Variants in NCOA1 observed in about 807,000 individuals in gnomAD.
NCOA1 encodes the protein nuclear receptor coactivator 1, also known as Hin-2 protein.
In NCOA1, 35 loss-of-function variants were observed where a neutral mutation model predicts 150.9. The ratio of observed to expected loss-of-function variants is 0.23; its 90% CI spans 0.18 to 0.31. NCOA1 has a LOEUF of 0.31. Among genes scored for constraint, NCOA1 ranks in the 10% least tolerant of loss-of-function variants. The pLI is 1.00. For synonymous variants in NCOA1, 590 were observed against 630.0 expected (o/e 0.94, Z 0.95); for missense variants, 1,491 against 1,749.3 (o/e 0.85, Z 2.63).
chr2:24,660,618 T>A (rs1208590375), intron 5 of NCOA1, among the ~76,000 whole-genome samples: 2 of 152,180 alleles, frequency 1.3e-5, no homozygotes, highest in Admixed American at 6.5e-5. Context: ...AACTTTTGAT[T>A]AGTATTGCAT....
At chr2:24,495,984 T>A (rs1291013531) in intron 1 of NCOA1, among the ~76,000 whole-genome samples, 1 of 152,232 alleles carries the variant, frequency 6.6e-6, no homozygotes, top group East Asian at 1.9e-4. Flanking sequence ...ATTTCTCAAA[T>A]TTTTTCCTTT....
At chr2:24,675,991 C>T (rs1057151493) in intron 7 of NCOA1, among the ~76,000 whole-genome samples, 1 of 152,196 alleles carries the variant, frequency 6.6e-6, no homozygotes, top group Non-Finnish European at 1.5e-5. Context: ...ATCTGTCTTC[C>T]AAGCTTCTCT....
chr2:24,572,759 TTGGAAAC>T (rs1353813997), intron 2 of NCOA1, among the ~76,000 whole-genome samples: 2 of 152,150 alleles, frequency 1.3e-5, no homozygotes, highest in African/African-American at 4.8e-5. Flanking sequence ...GTTAAAGTAT[TTGGAAAC>T]TGAAGACTGT....
At chr2:24,594,978 T>G (rs1230225998) in intron 3 of NCOA1, among the ~76,000 whole-genome samples, 1 of 152,060 alleles carries the variant, frequency 6.6e-6, no homozygotes, top group Non-Finnish European at 1.5e-5. Flanking sequence ...TGAAGAAAAT[T>G]AAATGGGCCA....
chr2:24,656,860 T>C (rs1216508336), intron 4 of NCOA1, among the ~76,000 whole-genome samples: 1 of 152,244 alleles, frequency 6.6e-6, no homozygotes, highest in Non-Finnish European at 1.5e-5. Context: ...TTTACCCATA[T>C]ATCTGTTGAT....
intron 7 of NCOA1, among the ~76,000 whole-genome samples, chr2:24,680,341 A>G (rs2148534807): frequency 6.6e-6 from 1 of 152,338 alleles, no homozygotes; most frequent in East Asian, 1.9e-4. Flanking sequence ...GTGTCCAAAA[A>G]TGGATGAATG....
Position 24,739,894 on chromosome 2 carries a change from G to A in NCOA1, c.3303+361G>A, listed in dbSNP as rs527439472. 5.3e-5 allele frequency among the ~76,000 whole-genome samples: 8 copies of A among 152,164 alleles called. No individual in the cohort carries two copies. In the South Asian group the frequency reaches 1.5e-3, roughly 28 times the overall value. On this transcript the variant is annotated intron_variant, in intron 18 of 22. Transcript: ENST00000348332. The stretch of plus-strand genomic sequence containing the variant: ...GATCAAAACCCAGTCACATTGCTAA[G>A]CTGTCTTAACTATCTTGTGTACTAT...
chr2:24,720,786 C>G (rs1674323858), intron 14 of NCOA1, among the ~76,000 whole-genome samples: 1 of 152,182 alleles, frequency 6.6e-6, no homozygotes, highest in Admixed American at 6.5e-5. Flanking sequence ...TTCTAATTCT[C>G]TGCCCCACTC....
intron 1 of NCOA1, among the ~76,000 whole-genome samples, chr2:24,507,165 A>G (rs1663734039): frequency 6.6e-6 from 1 of 152,216 alleles, no homozygotes; most frequent in Admixed American, 6.5e-5. Context: ...GCAAATGCTT[A>G]TATCCAAAGG....
intron 5 of NCOA1, among the ~76,000 whole-genome samples, chr2:24,661,097 A>G (rs1671166778): frequency 6.6e-6 from 1 of 152,052 alleles, no homozygotes; most frequent in South Asian, 2.1e-4. Context: ...ATCTAGGTAA[A>G]TTTTTATGTT....
chr2:24,752,194 C>T (rs1199706874), intron 20 of NCOA1, 38 bp downstream of exon 20: 3 of 1,594,388 alleles, frequency 1.9e-6, no homozygotes, highest in Middle Eastern at 1.7e-4. Flanking sequence ...ATCCTTGATA[C>T]TGTGATAAAT....
chr2:24,547,269 T>C (rs1665640236), intron 1 of NCOA1, among the ~76,000 whole-genome samples: 2 of 152,218 alleles, frequency 1.3e-5, no homozygotes, highest in Admixed American at 1.3e-4. Flanking sequence ...TTGACCTTAA[T>C]TTAATAGAAG....
chr2:24,685,930 A>G (rs762738294), intron 8 of NCOA1, among the ~76,000 whole-genome samples: 6 of 152,240 alleles, frequency 3.9e-5, no homozygotes, highest in Non-Finnish European at 8.8e-5. Flanking sequence ...TTAGAAGCAC[A>G]TAGAAATTAT....
At chr2:24,563,382 G>A (rs537944845) in intron 1 of NCOA1, among the ~76,000 whole-genome samples, 6 of 152,292 alleles carry the variant, frequency 3.9e-5, no homozygotes, top group Admixed American at 1.3e-4. Context: ...TTTCTGACCC[G>A]TGGTATAATG....
Position 24,762,712 on chromosome 2 carries a change from C to T in NCOA1, c.4091C>T (p.Thr1364Ile). The T allele has an allele frequency of 1.2e-6, 2 of 1,614,032 alleles. No individual in the cohort carries two copies. Among genetic ancestry groups the T allele is most frequent in the South Asian group, 2.2e-5 (2 of 91,086 alleles). ...ATAAATGATCCCGCACTGAGACACACAGGCCTCTACTGCAACCAGCTCTCA... is the reference window on the plus strand; with the variant it reads ...ATAAATGATCCCGCACTGAGACACATAGGCCTCTACTGCAACCAGCTCTCA... Reference protein sequence around the residue: ...EQINDPALRHTGLYCNQLSST... With the variant: ...EQINDPALRHIGLYCNQLSST... Residue 1364 changes from threonine (T) to isoleucine (I), a missense_variant, in exon 22 of 23, where the codon ACA becomes ATA. Physicochemically the swap from Thr to Ile is moderately conservative, Grantham distance 89 (BLOSUM62 -1). Transcript: ENST00000348332.
intron 1 of NCOA1, among the ~76,000 whole-genome samples, chr2:24,508,163 C>T (rs985539603): frequency 6.6e-6 from 1 of 152,012 alleles, no homozygotes; most frequent in Non-Finnish European, 1.5e-5. Flanking sequence ...TTCTTTTAAG[C>T]TTTAATTAAA....
intron 3 of NCOA1, among the ~76,000 whole-genome samples, chr2:24,625,026 A>G (rs962178626): frequency 6.6e-6 from 1 of 152,212 alleles, no homozygotes; most frequent in African/African-American, 2.4e-5. Flanking sequence ...GTGTATTCCA[A>G]CAAAACTTTG....
chr2:24,532,134 T>C (rs1456419476), intron 1 of NCOA1, among the ~76,000 whole-genome samples: 1 of 152,248 alleles, frequency 6.6e-6, no homozygotes, highest in Non-Finnish European at 1.5e-5. Context: ...TCCTGACTTT[T>C]TGATGATCGC....
chr2:24,724,420 G>A (rs868302315), intron 14 of NCOA1, among the ~76,000 whole-genome samples: 13 of 152,088 alleles, frequency 8.5e-5, no homozygotes, highest in Non-Finnish European at 1.9e-4. Context: ...TTTACAGAAG[G>A]CAGTTTCTAA....
Sources: gnomAD v4.1 joint callset for allele counts (sites outside exome capture counted in the v4.1 genomes callset) on GRCh38, gnomAD v4.1.1 for gene constraint, MANE v1.5 for transcripts, NCBI Gene and HGNC (gene_info 2026-07-23, HGNC 2026-07-21) for gene names.